ERCC6L: variants seen among roughly 807,000 people sequenced by gnomAD.
The protein encoded by ERCC6L is ERCC excision repair 6 like, spindle assembly checkpoint helicase.
Under a neutral mutation model 20.1 loss-of-function variants are expected in ERCC6L, and 7 were observed. That is an observed-to-expected ratio of 0.35 (90% confidence interval 0.20 to 0.65). ERCC6L has a LOEUF of 0.65. ERCC6L is among the 30% of genes least tolerant of loss of function. The probability of loss-of-function intolerance (pLI) is 0.69; values close to 1 mark genes in which losing one functional copy is unlikely to be tolerated. For missense variants in ERCC6L, 592 were observed against 892.4 expected, an observed-to-expected ratio of 0.66 and a Z score of 4.29; for synonymous variants, 278 against 331.3, an observed-to-expected ratio of 0.84 and a Z score of 1.75.
intron 1 of ERCC6L, among the ~76,000 whole-genome samples, chrX:72,224,378 C>T: frequency 9.0e-6 from 1 of 111,276 alleles, no homozygotes; most frequent in Non-Finnish European, 1.9e-5. Context: ...ATCATTCATT[C>T]ATCGGCCCTA....
At position 72,217,911 on chromosome X, in the gene ERCC6L, T is replaced by C. The variant is rs185995716; in HGVS notation, c.69-9213A>G. On this transcript the variant is annotated intron_variant, in intron 1 of 1. Transcript: ENST00000334463. ...CACTGTCTTGACTACTGTAGCTTTG[T>C]CGTAAGTTTTGAATTTGGGAACTAT... 1.1e-4 allele frequency among the ~76,000 whole-genome samples: 12 copies of C among 111,759 alleles called. No homozygotes were observed. In the East Asian group the frequency reaches 3.4e-3, roughly 32 times the overall value.
chrX:72,237,231 C>T (rs184266474), intron 1 of ERCC6L, among the ~76,000 whole-genome samples: 1 of 111,471 alleles, frequency 9.0e-6, no homozygotes, highest in African/African-American at 3.3e-5. Flanking sequence ...GCATGGTGGC[C>T]CACGTCTGTA....
chrX:72,211,564 T>G (rs2147586438), intron 1 of ERCC6L, among the ~76,000 whole-genome samples: 1 of 111,509 alleles, frequency 9.0e-6, no homozygotes, highest in Non-Finnish European at 1.9e-5. Context: ...TGGATTACAA[T>G]TCAAGATGAG....
At position 72,234,242 on chromosome X, in the gene ERCC6L, A is replaced by G. The variant is rs139893184; in HGVS notation, c.68+4602T>C. Among the ~76,000 whole-genome samples, 371 of 112,810 alleles carry G rather than the reference A, an allele frequency of 3.3e-3. 1 individual carries two copies. Among genetic ancestry groups the G allele is most frequent in the African/African-American group, 0.011 (352 of 31,091 alleles). ...ATCAACAGAATCTGAAGCAGCAGTC[A>G]GTGAAGTAAGAAGAAAATCCGGAGA... On this transcript the variant is annotated intron_variant, in intron 1 of 1. Transcript: ENST00000334463.
rs140453884 is a variant in ERCC6L at position 72,205,417 on chromosome X, C to A, written c.3350G>T (p.Ser1117Ile). 12 of 1,210,607 alleles carry A rather than the reference C, an allele frequency of 9.9e-6. No homozygotes were observed. In the African/African-American group the frequency reaches 1.7e-4, roughly 18 times the overall value. ...VEDMEERLDDSSEAKGPEDYP... is the reference protein window; with the variant it reads ...VEDMEERLDDISEAKGPEDYP... ...ATCTTCAGGACCCTTTGCTTCACTG[C>A]TGTCGTCAAGTCTTTCCTCCATGTC... is the stretch of plus-strand genomic sequence containing the variant. Residue 1117 changes from serine (S) to isoleucine (I), a missense_variant, in exon 2 of 2, where the codon AGC becomes ATC. By Grantham distance (142) the Ser-to-Ile change is moderately radical. Coordinates refer to ENST00000334463, the MANE Select transcript of ERCC6L (RefSeq NM_017669.4).
rs188368303 is a variant in ERCC6L at position 72,237,408 on chromosome X, C to T, written c.68+1436G>A. 3.5e-4 allele frequency among the ~76,000 whole-genome samples: 39 copies of T among 110,457 alleles called. No individual in the cohort carries two copies. The East Asian group carries it at 0.011, about 30-fold the overall frequency. On this transcript the variant is annotated intron_variant, in intron 1 of 1. Transcript: ENST00000334463. ...GGTCAGGAGATTGAGACCATCCCGGCTAACACGGTGAAACCCCGTCTCTAC... is the reference window on the plus strand; with the variant it reads ...GGTCAGGAGATTGAGACCATCCCGGTTAACACGGTGAAACCCCGTCTCTAC...
intron 1 of ERCC6L, among the ~76,000 whole-genome samples, chrX:72,231,144 C>CAT (rs2042980983): frequency 8.9e-6 from 1 of 112,042 alleles, no homozygotes. Context: ...CAGCATTATT[C>CAT]ATAGTAGCCA....
At chrX:72,235,389 C>CTTTT (rs144267277) in intron 1 of ERCC6L, among the ~76,000 whole-genome samples, 6 of 68,538 alleles carry the variant, frequency 8.8e-5, no homozygotes, top group Admixed American at 3.6e-4. Flanking sequence ...CCCTCTTCCA[C>CTTTT]TTTTTTTTTT....
chrX:72,217,068 T>TA (rs1356097634), intron 1 of ERCC6L, among the ~76,000 whole-genome samples: 1 of 112,286 alleles, frequency 8.9e-6, no homozygotes, highest in African/African-American at 3.2e-5. Flanking sequence ...TAATTACTGT[T>TA]ATGCTGTTTT....
intron 1 of ERCC6L, among the ~76,000 whole-genome samples, chrX:72,217,079 T>C (rs1479098351): frequency 8.9e-6 from 1 of 112,293 alleles, no homozygotes; most frequent in Non-Finnish European, 1.9e-5. Context: ...ATGCTGTTTT[T>C]TTCCGGAGTG....
intron 1 of ERCC6L, among the ~76,000 whole-genome samples, chrX:72,213,039 G>C (rs1280511830): frequency 8.9e-6 from 1 of 112,341 alleles, no homozygotes; most frequent in Non-Finnish European, 1.9e-5. Flanking sequence ...AATCAGAAAT[G>C]CTCTTTGTTT....
chrX:72,233,282 T>C (rs2042996060), intron 1 of ERCC6L, among the ~76,000 whole-genome samples: 1 of 111,832 alleles, frequency 8.9e-6, no homozygotes. Flanking sequence ...AACAAACTAA[T>C]GACACTACAA....
At chrX:72,228,346 C>T (rs1190508430) in intron 1 of ERCC6L, among the ~76,000 whole-genome samples, 1 of 111,859 alleles carries the variant, frequency 8.9e-6, no homozygotes. Flanking sequence ...AGGGACCTTA[C>T]CAAATCATTC....
rs150378520 is a variant in ERCC6L, at chrX:72,209,825, A to C, written c.69-1127T>G. Among the ~76,000 whole-genome samples the C allele has an allele frequency of 5.9e-3, 660 of 111,647 alleles. 4 individuals are homozygous for C. Among genetic ancestry groups the C allele is most frequent in the African/African-American group, 0.021 (640 of 30,747 alleles). On this transcript the variant is annotated intron_variant, in intron 1 of 1. Coordinates refer to ENST00000334463, the MANE Select transcript of ERCC6L (RefSeq NM_017669.4). ...CAGTGGTTTATGGTCAATTACTTTC[A>C]GTAAGGGCGCCAAAATAATTCACTG...
chrX:72,232,273 T>TAAAA (rs56070381), intron 1 of ERCC6L, among the ~76,000 whole-genome samples: 43 of 61,392 alleles, frequency 7.0e-4, no homozygotes, highest in South Asian at 1.0e-3. Flanking sequence ...GAAGGAGTAT[T>TAAAA]AAAAAAAAAA....
At chrX:72,238,772 G>C in intron 1 of ERCC6L, 72 bp downstream of exon 1, 1 of 1,025,734 alleles carries the variant, frequency 9.7e-7, no homozygotes, top group Non-Finnish European at 1.3e-6. Context: ...TCCCCAGGAG[G>C]ATCCGGGGGC....
In ERCC6L at chrX:72,206,020, T is replaced by C; in HGVS notation, c.2747A>G (p.Glu916Gly). Residue 916 changes from glutamate to glycine, a missense_variant, in exon 2 of 2, where the codon GAA (glutamate) becomes GGA (glycine). By Grantham distance (98) the Glu-to-Gly change is moderately conservative. Transcript: ENST00000334463. The stretch of plus-strand genomic sequence containing the variant: ...GGATGCTGAAAGGTCATCAGCTATT[T>C]CAATAATGGATACATTTGATTCTGC... Reference protein sequence around the residue: ...QNAESNVSIIEIADDLSASHS... With the variant: ...QNAESNVSIIGIADDLSASHS... 1 of 1,211,986 alleles carries C rather than the reference T, an allele frequency of 8.3e-7. No individual in the cohort carries two copies. The highest frequency in any genetic ancestry group is 1.8e-5 in the South Asian group (1 of 57,007).
intron 1 of ERCC6L, among the ~76,000 whole-genome samples, chrX:72,231,446 T>C (rs1390120627): frequency 4.5e-5 from 5 of 111,695 alleles, no homozygotes; most frequent in African/African-American, 1.6e-4. Context: ...TAGTCAATGG[T>C]ACAAAGTTTC....
rs957718861 is a variant in ERCC6L at position 72,225,747 on chromosome X, C to T, written c.68+13097G>A. ...TTATCATGCTTTCTCTCACCAAAAA[C>T]GTGCCTTATTACAGGCCCCTGCTCT... On this transcript the variant is annotated intron_variant, in intron 1 of 1. Coordinates refer to ENST00000334463, the MANE Select transcript of ERCC6L (RefSeq NM_017669.4). Among the ~76,000 whole-genome samples, 9 of 111,471 alleles carry T rather than the reference C, an allele frequency of 8.1e-5. 1 individual carries two copies. Among genetic ancestry groups the T allele is most frequent in the East Asian group, 2.8e-4 (1 of 3,535 alleles).
Sources: allele counts gnomAD v4.1 joint callset (sites outside exome capture counted in the v4.1 genomes callset), GRCh38; gene constraint gnomAD v4.1.1; transcripts MANE v1.5; gene names NCBI Gene and HGNC (gene_info 2026-07-23, HGNC 2026-07-21).